ETV6: variants seen among roughly 807,000 people sequenced by gnomAD.
The protein encoded by ETV6 is ETS variant transcription factor 6.
In ETV6, 16 loss-of-function variants were observed where a neutral mutation model predicts 51.1. The observed-to-expected ratio is 0.31, with a 90% CI of 0.21 to 0.48. The LOEUF (loss-of-function observed/expected upper bound fraction) is 0.48. Among genes scored for constraint, ETV6 ranks in the 20% least tolerant of loss-of-function variants. The probability of loss-of-function intolerance (pLI) is 0.99; values close to 1 mark genes in which losing one functional copy is unlikely to be tolerated. For synonymous variants in ETV6, 240 were observed against 224.1 expected (o/e 1.07, Z -0.64); for missense variants, 458 against 594.8 (o/e 0.77, Z 2.39).
At chr12:11,773,192 C>T (rs1325311328) in intron 2 of ETV6, among the ~76,000 whole-genome samples, 1 of 79,322 alleles carries the variant, frequency 1.3e-5, no homozygotes, top group South Asian at 3.9e-4. Flanking sequence ...GACTCCATCT[C>T]AAAAAAAAAA....
intron 5 of ETV6, among the ~76,000 whole-genome samples, chr12:11,880,844 A>T (rs886866617): frequency 3.3e-5 from 5 of 152,234 alleles, no homozygotes; most frequent in Admixed American, 2.0e-4. Flanking sequence ...TGGCGTCGTC[A>T]GCCTATTTGC....
intron 1 of ETV6, among the ~76,000 whole-genome samples, chr12:11,694,043 T>G (rs1419881209): frequency 6.6e-6 from 1 of 152,214 alleles, no homozygotes; most frequent in Non-Finnish European, 1.5e-5. Context: ...ATAAAAAGTT[T>G]ATTGAAAGGG....
At chr12:11,748,554 C>A (rs1865949089) in intron 1 of ETV6, among the ~76,000 whole-genome samples, 1 of 152,108 alleles carries the variant, frequency 6.6e-6, no homozygotes. Context: ...GCTAGGGGAT[C>A]CCCGTGATTT....
chr12:11,843,639 G>T (rs1453870764), intron 3 of ETV6, among the ~76,000 whole-genome samples: 1 of 152,144 alleles, frequency 6.6e-6, no homozygotes, highest in Non-Finnish European at 1.5e-5. Context: ...AGAGAGGAGA[G>T]CACTGGACTC....
chr12:11,678,194 G>T (rs1378627275), intron 1 of ETV6, among the ~76,000 whole-genome samples: 1 of 152,208 alleles, frequency 6.6e-6, no homozygotes, highest in African/African-American at 2.4e-5. Flanking sequence ...AACAAAAAGG[G>T]AGAGTGCTTT....
chr12:11,672,682 G>A (rs1864342718), intron 1 of ETV6, among the ~76,000 whole-genome samples: 1 of 152,150 alleles, frequency 6.6e-6, no homozygotes. Flanking sequence ...ATAACAGACG[G>A]CCACCTTACT....
At position 11,889,954 on chromosome 12, in the gene ETV6, CCTTCCTGAGCCATG is replaced by C. The variant is rs539667614; in HGVS notation, c.1254-986_1254-973del. On this transcript the variant is annotated intron_variant, in intron 7 of 7. Transcript: ENST00000396373. Reference sequence around the variant, plus strand: ...AGGTGGAACATCTGCAACCAGGCTGCCTTCCTGAGCCATGTAAATTATGGTCAAAACATGTCACT... The same window carrying C: ...AGGTGGAACATCTGCAACCAGGCTGCTAAATTATGGTCAAAACATGTCACT... Among the ~76,000 whole-genome samples the C allele has an allele frequency of 8.0e-3, 1,218 of 152,228 alleles. 6 individuals carry two copies. The highest frequency in any genetic ancestry group is 0.013 in the Non-Finnish European group (851 of 68,006).
chr12:11,852,167 A>T (rs892661208), intron 3 of ETV6, among the ~76,000 whole-genome samples: 1 of 152,158 alleles, frequency 6.6e-6, no homozygotes, highest in Admixed American at 6.5e-5. Flanking sequence ...TTCAGCTTGG[A>T]TCTAAGTCAA....
chr12:11,886,106 T>C (rs1422594445), intron 7 of ETV6, 80 bp downstream of exon 7: 1 of 988,178 alleles, frequency 1.0e-6, no homozygotes, highest in Non-Finnish European at 1.6e-6. Context: ...GGGAGACTGT[T>C]AAGATCTCTA....
intron 2 of ETV6, among the ~76,000 whole-genome samples, chr12:11,836,689 C>T (rs1946321476): frequency 6.6e-6 from 1 of 152,110 alleles, no homozygotes; most frequent in African/African-American, 2.4e-5. Flanking sequence ...TTGCATCCCC[C>T]ACCCCCTTCT....
At chr12:11,880,207 G>A (rs561268636) in intron 5 of ETV6, among the ~76,000 whole-genome samples, 18 of 152,140 alleles carry the variant, frequency 1.2e-4, no homozygotes, top group East Asian at 1.9e-4. Context: ...TGCTGTCTCC[G>A]TTAGTGACTA....
intron 2 of ETV6, among the ~76,000 whole-genome samples, chr12:11,759,636 A>G (rs1945054532): frequency 1.3e-5 from 2 of 152,082 alleles, no homozygotes; most frequent in Admixed American, 6.6e-5. Flanking sequence ...GATTTTCCCA[A>G]CCCTCAATAC....
Position 11,884,485 on chromosome 12 carries a change from T to C in ETV6, c.1050T>C (p.Ser350=). Residue 350 remains serine, a synonymous_variant, in exon 6 of 8, where the codon TCT becomes TCC. Transcript: ENST00000396373. ...GGGATTACGTCTATCAGTTGCTTTCTGACAGCCGGTACGAAAACTTCATCC... is the reference window on the plus strand; with the variant it reads ...GGGATTACGTCTATCAGTTGCTTTCCGACAGCCGGTACGAAAACTTCATCC... The part of the protein sequence containing the change: ...LLWDYVYQLL[S]DSRYENFIRW... The C allele has an allele frequency of 6.2e-7, 1 of 1,614,220 alleles. No individual in the cohort carries two copies. Among genetic ancestry groups the C allele is most frequent in the Non-Finnish European group, 8.5e-7 (1 of 1,180,036 alleles).
At chr12:11,685,653 GAAGAA>G (rs1344268767) in intron 1 of ETV6, among the ~76,000 whole-genome samples, 1 of 152,100 alleles carries the variant, frequency 6.6e-6, no homozygotes. Flanking sequence ...TGGGTGATAG[GAAGAA>G]GAGAGGATGC....
chr12:11,798,377 T>C (rs975935988), intron 2 of ETV6, among the ~76,000 whole-genome samples: 1 of 152,156 alleles, frequency 6.6e-6, no homozygotes, highest in African/African-American at 2.4e-5. Flanking sequence ...GAAAGACCAG[T>C]TACAAGGGAA....
rs114033481 is a variant in ETV6 at position 11,736,894 on chromosome 12, G to A, written c.34-15556G>A. Among the ~76,000 whole-genome samples, 169 of 152,340 alleles carry A rather than the reference G, an allele frequency of 1.1e-3. 1 individual carries two copies. Among genetic ancestry groups the A allele is most frequent in the African/African-American group, 4.0e-3 (166 of 41,568 alleles). On this transcript the variant is annotated intron_variant, in intron 1 of 7. Coordinates refer to ENST00000396373, the MANE Select transcript of ETV6 (RefSeq NM_001987.5). Reference sequence around the variant, plus strand: ...AAATACTTTGAGCTCATCTAATGAGGCTCATTCATTCATTTGGTAAATACT... The same window carrying A: ...AAATACTTTGAGCTCATCTAATGAGACTCATTCATTCATTTGGTAAATACT...
chr12:11,722,130 G>GA (rs1243788611), intron 1 of ETV6, among the ~76,000 whole-genome samples: 2 of 152,252 alleles, frequency 1.3e-5, no homozygotes, highest in African/African-American at 4.8e-5. Context: ...GGAGAGCATG[G>GA]AAAATTGAAG....
At position 11,874,233 on chromosome 12, in the gene ETV6, C is replaced by T. The variant is rs764817729; in HGVS notation, c.1009+4264C>T. On this transcript the variant is annotated intron_variant, in intron 5 of 7. Coordinates refer to ENST00000396373, the MANE Select transcript of ETV6 (RefSeq NM_001987.5). ...TCTATCAAAAAATACAAAAATTCGT[C>T]GGGCATGGTGGTGCACACCTGTAGT... Among the ~76,000 whole-genome samples the T allele has an allele frequency of 1.2e-4, 18 of 151,352 alleles. 2 individuals are homozygous for T. Among genetic ancestry groups the T allele is most frequent in the Non-Finnish European group, 2.6e-4 (18 of 67,928 alleles).
chr12:11,829,756 G>A (rs1177518886), intron 2 of ETV6, among the ~76,000 whole-genome samples: 2 of 152,218 alleles, frequency 1.3e-5, no homozygotes, highest in Non-Finnish European at 2.9e-5. Flanking sequence ...GAGTGTTCTT[G>A]TTCTTGGACT....
Sources: gnomAD v4.1 joint callset for allele counts (sites outside exome capture counted in the v4.1 genomes callset) on GRCh38, gnomAD v4.1.1 for gene constraint, MANE v1.5 for transcripts, NCBI Gene and HGNC (gene_info 2026-07-23, HGNC 2026-07-21) for gene names.